The following BRSK2 variants were observed in gnomAD, a reference collection of about 807,000 sequenced individuals.
BRSK2 encodes BR serine/threonine kinase 2.
In BRSK2, 19 loss-of-function variants were observed where a neutral mutation model predicts 83.3. That is an observed-to-expected ratio of 0.23 (90% confidence interval 0.16 to 0.33). BRSK2 has a LOEUF of 0.33. Ranked by LOEUF, BRSK2 falls within the 10% of genes least tolerant of loss-of-function variation. The pLI is 1.00. For missense variants in BRSK2, 798 were observed against 1,042.3 expected (o/e 0.77, Z 3.23); for synonymous variants, 519 against 435.4 (o/e 1.19, Z -2.39).
chr11:1,435,934 C>T, intron 1 of BRSK2, 106 bp from the exon 2 acceptor site: 3 of 794,622 alleles, frequency 3.8e-6, no homozygotes, highest in Non-Finnish European at 6.0e-6. Flanking sequence ...GGGTGGGACC[C>T]CTGCTGTCCA....
In BRSK2 at chr11:1,457,147, A is replaced by G. The variant is rs1846681910; in HGVS notation, c.1939+460A>G. 8 of 1,136,000 alleles carry G rather than the reference A, an allele frequency of 7.0e-6. No homozygotes were observed. In the South Asian group the frequency reaches 1.3e-4, roughly 18 times the overall value. The allele number at this position is 1,136,000 out of a possible 1,614,324, so 70.4% of individuals were successfully genotyped here. A position where few individuals can be genotyped will look rare whatever the true frequency, so the allele number is the denominator to read the frequency against. On this transcript the variant is annotated intron_variant, in intron 18 of 19. Transcript: ENST00000528841. ...AGCAGGGCCCTCCATGCCCACCCACAGGTCTCGGCCCTGGACAGGCCAAGC... is the reference window on the plus strand; with the variant it reads ...AGCAGGGCCCTCCATGCCCACCCACGGGTCTCGGCCCTGGACAGGCCAAGC...
At chr11:1,452,941 A>G (rs1845985107) in intron 15 of BRSK2, among the ~76,000 whole-genome samples, 1 of 152,184 alleles carries the variant, frequency 6.6e-6, no homozygotes, top group Non-Finnish European at 1.5e-5. Context: ...GAACAGCACC[A>G]AGGGAGGCAG....
chr11:1,412,621 C>T (rs61868962), intron 1 of BRSK2, among the ~76,000 whole-genome samples: 66,112 of 151,716 alleles, frequency 0.44, 15,184 homozygotes, highest in Non-Finnish European at 0.5. Flanking sequence ...GGTCGGGTTG[C>T]GGGGAGGGCG....
rs1850660228 is a variant in BRSK2, at chr11:1,438,573, G to C, written c.272+182G>C. On this transcript the variant is annotated intron_variant, in intron 3 of 19. Transcript: ENST00000528841. The surrounding 1 kb of genome is among the most constrained non-coding windows in gnomAD (Gnocchi z 6.4). ...GTAGGGTCTCAGCCCAGGCTGCTGT[G>C]GTCTCTGCTTCTGGACCAAACCGGA... is the stretch of plus-strand genomic sequence containing the variant. Among the ~76,000 whole-genome samples the C allele has an allele frequency of 6.6e-6, 1 of 152,136 alleles. No individual in the cohort carries two copies. The highest frequency in any genetic ancestry group is 1.5e-5 in the Non-Finnish European group (1 of 68,012).
chr11:1,443,737 C>T (rs1221087642), intron 8 of BRSK2, 102 bp downstream of exon 8: 2 of 1,377,776 alleles, frequency 1.5e-6, no homozygotes, highest in East Asian at 5.3e-5. Context: ...CGTGTGGGCA[C>T]CCAGGTGTGT....
At chr11:1,411,529 A>C in intron 1 of BRSK2, 1 of 1,541,320 alleles carries the variant, frequency 6.5e-7, no homozygotes, top group Non-Finnish European at 8.7e-7. Flanking sequence ...GGGGCCGCAC[A>C]TCACAGAGTG....
At chr11:1,406,907 CGTGTGT>C (rs373208775) in intron 1 of BRSK2, among the ~76,000 whole-genome samples, 2 of 151,914 alleles carry the variant, frequency 1.3e-5, no homozygotes, top group African/African-American at 4.8e-5. Context: ...TGTCTGTGTG[CGTGTGT>C]GTGTGTGGTG....
chr11:1,438,326 C>T lies in BRSK2; in HGVS notation c.207C>T (p.Ile69=), dbSNP rs758237227. The T allele has an allele frequency of 8.1e-6, 13 of 1,614,072 alleles. No homozygotes were observed. Among genetic ancestry groups the T allele is most frequent in the Non-Finnish European group, 1.1e-5 (13 of 1,179,968 alleles). ...VLMKVEREIA[I]LKLIEHPHVL... ...TGCAGGTGGAGCGGGAGATCGCGAT[C>T]CTGAAGCTCATTGAGCACCCCCACG... The change falls in exon 3 of 20, where the codon ATC becomes ATT. Residue 69 remains isoleucine, a synonymous_variant. Coordinates refer to ENST00000528841, the MANE Select transcript of BRSK2 (RefSeq NM_001256627.2). This position sits in a 1 kb window ranked among gnomAD's most constrained non-coding sequence, Gnocchi z 6.4.
chr11:1,436,451 G>C (rs1373553604), intron 2 of BRSK2, among the ~76,000 whole-genome samples: 1 of 152,192 alleles, frequency 6.6e-6, no homozygotes, highest in African/African-American at 2.4e-5. Context: ...TTCCCAGCTA[G>C]AATGGAGAGG....
At chr11:1,437,106 A>G (rs1301322087) in intron 2 of BRSK2, among the ~76,000 whole-genome samples, 1 of 151,968 alleles carries the variant, frequency 6.6e-6, no homozygotes, top group Non-Finnish European at 1.5e-5. Context: ...GGGCCAGGAC[A>G]GCGCCTGGCA....
chr11:1,448,691 C>G (rs1030311351), intron 12 of BRSK2, among the ~76,000 whole-genome samples: 34 of 152,358 alleles, frequency 2.2e-4, no homozygotes, highest in African/African-American at 7.7e-4. Context: ...CCTGAAAGCT[C>G]TGGGTCCAGT....
At chr11:1,400,343 T>G (rs1200767466) in intron 1 of BRSK2, among the ~76,000 whole-genome samples, 1 of 152,200 alleles carries the variant, frequency 6.6e-6, no homozygotes, top group African/African-American at 2.4e-5. Context: ...CTCAGAAGTT[T>G]CCAGGTGATG....
chr11:1,460,869 G>C lies in BRSK2; in HGVS notation c.*146G>C, dbSNP rs1590743457. ...TGGGAGGAAAGGAAAGGGGCGTTGG[G>C]GCCGGCCTGTGGGCTGCGCCACCCG... On this transcript the variant is annotated 3_prime_UTR_variant, in exon 20 of 20. Transcript: ENST00000528841. 1.9e-6 allele frequency: 3 copies of C among 1,579,242 alleles called. No individual in the cohort carries two copies. Among genetic ancestry groups the C allele is most frequent in the African/African-American group, 2.7e-5 (2 of 74,320 alleles).
At chr11:1,421,117 G>A (rs1236529147) in intron 1 of BRSK2, among the ~76,000 whole-genome samples, 1 of 152,178 alleles carries the variant, frequency 6.6e-6, no homozygotes, top group Non-Finnish European at 1.5e-5. Context: ...CTGACCCTGG[G>A]CCTCCTCCTG....
intron 16 of BRSK2, 139 bp from the exon 17 acceptor site, chr11:1,456,209 G>A: frequency 1.1e-6 from 1 of 900,124 alleles, no homozygotes; most frequent in Non-Finnish European, 1.6e-6. Flanking sequence ...CAACCGCACT[G>A]TGCCCCTCAC....
intron 1 of BRSK2, among the ~76,000 whole-genome samples, chr11:1,393,508 C>G (rs1220093792): frequency 6.6e-6 from 1 of 152,174 alleles, no homozygotes; most frequent in Non-Finnish European, 1.5e-5. Flanking sequence ...AACGAAGGAG[C>G]TAGGATGAGG....
In BRSK2 at chr11:1,454,734, C is replaced by G; in HGVS notation, c.1668+126C>G. 2.3e-6 allele frequency: 3 copies of G among 1,279,512 alleles called. No homozygotes were observed. In the Admixed American group the frequency reaches 6.8e-5, roughly 29 times the overall value. The allele number at this position is 1,279,512 out of a possible 1,614,324, so 79.3% of individuals were successfully genotyped here. A position where few individuals can be genotyped will look rare whatever the true frequency, so the allele number is the denominator to read the frequency against. On this transcript the variant is annotated intron_variant, in intron 16 of 19. Transcript: ENST00000528841. The surrounding 1 kb of genome is among the most constrained non-coding windows in gnomAD (Gnocchi z 5.2). ...CGCACAGCACGGACGTCCGCTCACC[C>G]GTGGGCCTGCCTGGCCGCCTTCACT...
intron 4 of BRSK2, among the ~76,000 whole-genome samples, chr11:1,442,151 C>A (rs1851430814): frequency 6.6e-6 from 1 of 151,606 alleles, no homozygotes; most frequent in Admixed American, 6.6e-5. Flanking sequence ...TCGGCCTTTC[C>A]AGGGGCCATT....
chr11:1,459,002 C>T (rs1847030972), intron 18 of BRSK2, among the ~76,000 whole-genome samples, 190 bp from the exon 19 acceptor site: 1 of 152,114 alleles, frequency 6.6e-6, no homozygotes. Context: ...CCAGGCCCTG[C>T]CCCTGCACTG....
Sources: gnomAD v4.1 joint callset for allele counts (sites outside exome capture counted in the v4.1 genomes callset) on GRCh38, gnomAD v4.1.1 for gene constraint, Gnocchi (gnomAD v3.1) non-coding constraint, MANE v1.5 for transcripts, NCBI Gene and HGNC (gene_info 2026-07-23, HGNC 2026-07-21) for gene names.